The following FGF14 variants were observed in gnomAD, a reference collection of about 807,000 sequenced individuals.
The protein encoded by FGF14 is fibroblast growth factor homologous factor 4.
Under a neutral mutation model 25.5 loss-of-function variants are expected in FGF14, and 5 were observed. The observed-to-expected ratio is 0.20, with a 90% confidence interval of 0.10 to 0.41. FGF14 has a LOEUF of 0.41. FGF14 is among the 10% of genes least tolerant of loss of function. The pLI, the probability that FGF14 is intolerant of heterozygous loss-of-function variation, is 1.00. For missense variants in FGF14, 222 were observed against 320.1 expected (o/e 0.69, Z 2.34); for synonymous variants, 138 against 118.3 (o/e 1.17, Z -1.08).
chr13:102,097,773 T>C (rs1039616666), intron 1 of FGF14, among the ~76,000 whole-genome samples: 1 of 152,130 alleles, frequency 6.6e-6, no homozygotes. Flanking sequence ...TGTCAGACAA[T>C]ACTCTGAGGA....
chr13:102,253,921 C>A (rs575821886), intron 1 of FGF14, among the ~76,000 whole-genome samples: 7 of 152,180 alleles, frequency 4.6e-5, no homozygotes, highest in African/African-American at 1.7e-4. Flanking sequence ...ATTTCCATTT[C>A]ATTGACACAA....
upstream of FGF14, among the ~76,000 whole-genome samples, chr13:101,919,903 G>A (rs9585812): frequency 0.019 from 2,841 of 152,210 alleles, 89 homozygotes; most frequent in African/African-American, 0.065. Flanking sequence ...AGCGGACTCC[G>A]GAGTCTCCGG....
At chr13:102,189,057 A>AAAGG (rs2049019669) in intron 1 of FGF14, among the ~76,000 whole-genome samples, 1 of 143,274 alleles carries the variant, frequency 7.0e-6, no homozygotes, top group African/African-American at 2.7e-5. Flanking sequence ...AGAATGAAAG[A>AAAGG]AGAAAAGAAA....
chr13:101,804,161 C>T (rs987361202), intron 3 of FGF14, among the ~76,000 whole-genome samples: 2 of 152,020 alleles, frequency 1.3e-5, no homozygotes, highest in Non-Finnish European at 2.9e-5. Context: ...AAGTTAGATG[C>T]GATGAGCATT....
At chr13:102,206,463 T>C (rs2049930195) in intron 1 of FGF14, among the ~76,000 whole-genome samples, 9 of 152,004 alleles carry the variant, frequency 5.9e-5, no homozygotes, top group Admixed American at 5.9e-4. Context: ...GGCAGATCAC[T>C]GGAGGTCAGG....
At chr13:101,846,383 A>T (rs557130993) in intron 3 of FGF14, among the ~76,000 whole-genome samples, 1 of 151,986 alleles carries the variant, frequency 6.6e-6, no homozygotes, top group Non-Finnish European at 1.5e-5. Context: ...GTAGCATGTC[A>T]GCATATTAAG....
intron 1 of FGF14, among the ~76,000 whole-genome samples, chr13:102,185,317 G>A (rs1241294013): frequency 6.6e-6 from 1 of 152,092 alleles, no homozygotes; most frequent in African/African-American, 2.4e-5. Flanking sequence ...GAGAAGAAAG[G>A]TAACAGGAAA....
chr13:102,161,522 T>G lies in FGF14; in HGVS notation c.208+239949A>C, dbSNP rs189451875. Among the ~76,000 whole-genome samples, 163 of 151,182 alleles carry G rather than the reference T, an allele frequency of 1.1e-3. 1 individual carries two copies. Among genetic ancestry groups the G allele is most frequent in the Middle Eastern group, 6.8e-3 (2 of 294 alleles). On this transcript the variant is annotated intron_variant, in intron 1 of 4. Coordinates refer to the FGF14 transcript ENST00000376131. ...TTGCAAATGAAGGAAAACTCTTATC[T>G]TAGTTGTAAAATATCAATATTCTCT...
At chr13:102,193,459 G>C (rs2049209103) in intron 1 of FGF14, among the ~76,000 whole-genome samples, 1 of 152,150 alleles carries the variant, frequency 6.6e-6, no homozygotes, top group African/African-American at 2.4e-5. Context: ...ACATGTGCAG[G>C]AAGTTGAGAC....
chr13:101,802,474 T>C (rs540426228), intron 3 of FGF14: 26 of 187,748 alleles, frequency 1.4e-4, no homozygotes, highest in Non-Finnish European at 2.8e-4. Context: ...TCTGTCTCTT[T>C]GTGAATACTT....
At chr13:102,298,217 T>C (rs367689568) in intron 1 of FGF14, among the ~76,000 whole-genome samples, 1 of 152,166 alleles carries the variant, frequency 6.6e-6, no homozygotes, top group Non-Finnish European at 1.5e-5. Flanking sequence ...AGCTTGCTTA[T>C]GTTCTTCAAG....
intron 1 of FGF14, among the ~76,000 whole-genome samples, chr13:102,081,446 AC>A (rs2140196334): frequency 6.6e-6 from 1 of 152,202 alleles, no homozygotes; most frequent in African/African-American, 2.4e-5. Context: ...CTTTGCCTTT[AC>A]TCTGGTTGTG....
chr13:101,713,087 C>T lies in FGF14; in HGVS notation c.*9744G>A, dbSNP rs1242555499. On this transcript the variant is annotated 3_prime_UTR_variant, in exon 5 of 5. Coordinates refer to ENST00000376143, the MANE Select transcript of FGF14 (RefSeq NM_004115.4). ...CACAATTGTCACAATCTAAATAATT[C>T]TGACTGCACTCTTACTTTGAGAAGT... 3.3e-5 allele frequency: 5 copies of T among 152,226 alleles called. No homozygotes were observed. Among genetic ancestry groups the T allele is most frequent in the African/African-American group, 4.8e-5 (2 of 41,470 alleles). 9.4% of individuals were successfully genotyped at this position (152,226 alleles called of 1,614,324 possible).
intron 1 of FGF14, among the ~76,000 whole-genome samples, chr13:102,051,387 C>T (rs1044352641): frequency 2.6e-5 from 4 of 152,190 alleles, no homozygotes; most frequent in African/African-American, 9.7e-5. Context: ...ATCCCAGAGC[C>T]ACAGAAACTC....
chr13:101,809,302 A>G (rs1219849753), intron 3 of FGF14, among the ~76,000 whole-genome samples: 1 of 152,158 alleles, frequency 6.6e-6, no homozygotes, highest in Non-Finnish European at 1.5e-5. Context: ...CATGATTAAA[A>G]ATCTTTAACC....
chr13:101,760,406 T>G (rs1040842756), intron 3 of FGF14, among the ~76,000 whole-genome samples: 2 of 152,164 alleles, frequency 1.3e-5, no homozygotes, highest in Non-Finnish European at 2.9e-5. Flanking sequence ...ATGATGCCTA[T>G]TCACATGATA....
chr13:102,018,306 A>C (rs963514344), intron 1 of FGF14, among the ~76,000 whole-genome samples: 1 of 152,084 alleles, frequency 6.6e-6, no homozygotes. Context: ...TTTTCTTCCC[A>C]GAGTCCGCAA....
intron 3 of FGF14, among the ~76,000 whole-genome samples, chr13:101,842,189 T>C (rs73561285): frequency 0.014 from 2,147 of 152,040 alleles, 53 homozygotes; most frequent in African/African-American, 0.049. Context: ...TCTTTTGTCC[T>C]TTTTCCAGTA....
chr13:101,959,919 G>A (rs2036740221), intron 1 of FGF14, among the ~76,000 whole-genome samples: 2 of 152,154 alleles, frequency 1.3e-5, no homozygotes, highest in African/African-American at 4.8e-5. Flanking sequence ...TGGAGATGAA[G>A]TCTAAAACTG....
Sources: gnomAD v4.1 joint callset for allele counts (sites outside exome capture counted in the v4.1 genomes callset) on GRCh38, gnomAD v4.1.1 for gene constraint, MANE v1.5 for transcripts, NCBI Gene and HGNC (gene_info 2026-07-23, HGNC 2026-07-21) for gene names.